KHDRBS2: variants seen among roughly 807,000 people sequenced by gnomAD.
The protein encoded by KHDRBS2 is KH domain-containing, RNA-binding, signal transduction-associated protein 2.
A neutral mutation model predicts 44.3 loss-of-function variants in KHDRBS2; 26 were observed. The observed-to-expected ratio is 0.59, with a 90% confidence interval of 0.43 to 0.81. The LOEUF (loss-of-function observed/expected upper bound fraction) is 0.81, where lower values mean the gene tolerates loss of function less well. KHDRBS2 is among the 40% of genes least tolerant of loss of function. The pLI is 0.00. For missense variants in KHDRBS2, 476 were observed against 433.1 expected (o/e 1.10, Z -0.88); for synonymous variants, 194 against 151.1 (o/e 1.28, Z -2.08).
At chr6:62,144,477 T>C (rs1387085777) in intron 2 of KHDRBS2, among the ~76,000 whole-genome samples, 2 of 151,926 alleles carry the variant, frequency 1.3e-5, no homozygotes, top group African/African-American at 4.8e-5. Flanking sequence ...AGTAGCTCAA[T>C]AATCTTGTCT....
intron 4 of KHDRBS2, among the ~76,000 whole-genome samples, chr6:61,943,962 A>G (rs1303180838): frequency 2.0e-5 from 3 of 152,104 alleles, no homozygotes; most frequent in Non-Finnish European, 4.4e-5. Context: ...TGAGGTATCA[A>G]CTCATCCCTG....
chr6:61,609,230 G>C, the KHDRBS2 span, among the ~76,000 whole-genome samples: 1 of 152,126 alleles, frequency 6.6e-6, no homozygotes, highest in Non-Finnish European at 1.5e-5. Context: ...ATGGTGGTGT[G>C]CACCTGTAAT....
chr6:61,987,216 C>T (rs1775212656), intron 3 of KHDRBS2, among the ~76,000 whole-genome samples: 1 of 152,090 alleles, frequency 6.6e-6, no homozygotes, highest in African/African-American at 2.4e-5. Flanking sequence ...AACACAAGAC[C>T]AAATCCAATA....
At chr6:61,922,395 G>A (rs1409624874) in intron 4 of KHDRBS2, among the ~76,000 whole-genome samples, 2 of 152,064 alleles carry the variant, frequency 1.3e-5, no homozygotes, top group African/African-American at 2.4e-5. Flanking sequence ...TAGAGACACT[G>A]TTGACCGTCA....
chr6:61,740,269 G>A (rs777597550), intron 6 of KHDRBS2, among the ~76,000 whole-genome samples: 3 of 151,936 alleles, frequency 2.0e-5, no homozygotes, highest in Non-Finnish European at 2.9e-5. Flanking sequence ...GGTGCACCAA[G>A]TGTGAATGCA....
chr6:62,053,429 T>C (rs1789533061), intron 2 of KHDRBS2, among the ~76,000 whole-genome samples: 1 of 151,984 alleles, frequency 6.6e-6, no homozygotes, highest in South Asian at 2.1e-4. Flanking sequence ...ATGTACAAAA[T>C]ACATCATGAT....
At chr6:61,609,055 A>G in the KHDRBS2 span, among the ~76,000 whole-genome samples, 18 of 152,176 alleles carry the variant, frequency 1.2e-4, no homozygotes, top group Non-Finnish European at 2.4e-4. Context: ...ACTCCCATCA[A>G]CAGTGTGAAA....
chr6:61,942,153 C>T (rs975613393), intron 4 of KHDRBS2, among the ~76,000 whole-genome samples: 2 of 151,974 alleles, frequency 1.3e-5, no homozygotes, highest in Non-Finnish European at 2.9e-5. Context: ...GAGACAGAGT[C>T]TTGGTATGTT....
At chr6:61,776,027 A>C (rs1412298195) in intron 6 of KHDRBS2, among the ~76,000 whole-genome samples, 1 of 152,196 alleles carries the variant, frequency 6.6e-6, no homozygotes, top group Non-Finnish European at 1.5e-5. Context: ...CCTGAGAAAA[A>C]CAAGTAATGG....
intron 1 of KHDRBS2, among the ~76,000 whole-genome samples, chr6:62,221,061 A>G (rs1830813664): frequency 6.6e-6 from 1 of 151,888 alleles, no homozygotes; most frequent in East Asian, 1.9e-4. Flanking sequence ...TATGAAAGCA[A>G]TACGTGTCCA....
intron 6 of KHDRBS2, among the ~76,000 whole-genome samples, chr6:61,883,292 G>C (rs192724268): frequency 3.3e-5 from 5 of 152,100 alleles, no homozygotes; most frequent in African/African-American, 9.6e-5. Flanking sequence ...CGTGTCTACA[G>C]CACAAATTGC....
chr6:61,882,908 C>A (rs1348312279), intron 6 of KHDRBS2, among the ~76,000 whole-genome samples: 1 of 151,996 alleles, frequency 6.6e-6, no homozygotes, highest in Non-Finnish European at 1.5e-5. Flanking sequence ...AAGGGTGGTG[C>A]TGTCAAAACA....
intron 6 of KHDRBS2, among the ~76,000 whole-genome samples, chr6:61,805,013 G>C (rs750056148): frequency 6.6e-6 from 1 of 152,060 alleles, no homozygotes; most frequent in Non-Finnish European, 1.5e-5. Context: ...CTTTTCTATT[G>C]CATCATCAGG....
At chr6:62,222,736 G>A (rs1831115133) in intron 1 of KHDRBS2, among the ~76,000 whole-genome samples, 2 of 152,124 alleles carry the variant, frequency 1.3e-5, no homozygotes, top group African/African-American at 4.8e-5. Context: ...AAACAAAGGG[G>A]TTACAGGCCC....
the KHDRBS2 span, among the ~76,000 whole-genome samples, chr6:61,594,613 C>A: frequency 6.6e-6 from 1 of 152,064 alleles, no homozygotes; most frequent in Non-Finnish European, 1.5e-5. Context: ...TTTAATATAT[C>A]AGATTTTTAA....
At chr6:61,584,206 A>G in the KHDRBS2 span, among the ~76,000 whole-genome samples, 1 of 151,792 alleles carries the variant, frequency 6.6e-6, no homozygotes, top group South Asian at 2.1e-4. Flanking sequence ...GTCTGTTCCT[A>G]TCTTTTCTTG....
intron 3 of KHDRBS2, among the ~76,000 whole-genome samples, chr6:61,989,823 C>CT (rs994474509): frequency 1.3e-5 from 2 of 152,170 alleles, no homozygotes; most frequent in African/African-American, 4.8e-5. Context: ...ATTGATTTGT[C>CT]TTTTTGCCTG....
chr6:61,927,571 A>G (rs1453745138), intron 4 of KHDRBS2, among the ~76,000 whole-genome samples: 2 of 152,124 alleles, frequency 1.3e-5, no homozygotes, highest in Non-Finnish European at 2.9e-5. Flanking sequence ...ACATTCTGCA[A>G]TCTTGAAAAT....
chr6:61,548,318 A>G, the KHDRBS2 span, among the ~76,000 whole-genome samples: 1 of 152,274 alleles, frequency 6.6e-6, no homozygotes, highest in South Asian at 2.1e-4. Context: ...TTTTCCAATA[A>G]TAAGGCAGGA....
Sources: gnomAD v4.1 joint callset for allele counts (sites outside exome capture counted in the v4.1 genomes callset) on GRCh38, gnomAD v4.1.1 for gene constraint, MANE v1.5 for transcripts, NCBI Gene and HGNC (gene_info 2026-07-23, HGNC 2026-07-21) for gene names.